RARB: variants seen among roughly 807,000 people sequenced by gnomAD.
The protein encoded by RARB is retinoic acid receptor beta, also known as HBV-activated protein.
Under a neutral mutation model 51.9 loss-of-function variants are expected in RARB, and 17 were observed. That is an observed-to-expected ratio of 0.33 (90% CI 0.22 to 0.49). RARB has a LOEUF of 0.49. Among genes scored for constraint, RARB ranks in the 20% least tolerant of loss-of-function variants. RARB has a pLI of 0.99. For synonymous variants in RARB, 215 were observed against 195.4 expected (o/e 1.10, Z -0.84); for missense variants, 369 against 550.8 (o/e 0.67, Z 3.30).
intron 2 of RARB, among the ~76,000 whole-genome samples, chr3:25,018,389 T>G (rs1206000264): frequency 1.3e-5 from 2 of 152,194 alleles, no homozygotes; most frequent in Non-Finnish European, 2.9e-5. Context: ...GACCTGGTTA[T>G]CATAGGCTGG....
chr3:25,014,630 G>T (rs1470804759), intron 2 of RARB, among the ~76,000 whole-genome samples: 1 of 152,084 alleles, frequency 6.6e-6, no homozygotes, highest in Admixed American at 6.6e-5. Flanking sequence ...CCATGTTCCT[G>T]ATTGACAGAC....
At chr3:25,021,571 T>C (rs562972286) in intron 2 of RARB, among the ~76,000 whole-genome samples, 1 of 152,270 alleles carries the variant, frequency 6.6e-6, no homozygotes, top group South Asian at 2.1e-4. Context: ...AATGGGCTTA[T>C]ATACCTAGTT....
chr3:25,415,340 GTCCAGGA>G (rs1707673654), intron 5 of RARB, among the ~76,000 whole-genome samples: 1 of 151,904 alleles, frequency 6.6e-6, no homozygotes, highest in African/African-American at 2.4e-5. Context: ...TTACATTTAG[GTCCAGGA>G]TCCATTTTGA....
At chr3:24,944,670 A>G (rs1474901043) in intron 2 of RARB, among the ~76,000 whole-genome samples, 1 of 152,122 alleles carries the variant, frequency 6.6e-6, no homozygotes, top group Non-Finnish European at 1.5e-5. Context: ...GGGTCTCTAT[A>G]TATTCTTGAG....
intron 2 of RARB, among the ~76,000 whole-genome samples, chr3:25,040,915 G>A (rs1698100374): frequency 6.6e-6 from 1 of 152,192 alleles, no homozygotes; most frequent in African/African-American, 2.4e-5. Flanking sequence ...ATGATTCAAA[G>A]TCAGCTCATT....
chr3:25,049,048 A>G (rs9828262), intron 2 of RARB, among the ~76,000 whole-genome samples: 152,273 of 152,280 alleles, frequency 1, 76,133 homozygotes, highest in Middle Eastern at 1. Flanking sequence ...CACCGCGCCC[A>G]GCTCCAAGAC....
chr3:24,972,276 C>T (rs371113540), intron 2 of RARB, among the ~76,000 whole-genome samples: 15 of 151,958 alleles, frequency 9.9e-5, no homozygotes, highest in African/African-American at 3.6e-4. Context: ...TTTCACTTCA[C>T]ATAACTCCCA....
At chr3:25,454,835 C>T (rs961470776) in intron 1 of RARB, among the ~76,000 whole-genome samples, 9 of 152,174 alleles carry the variant, frequency 5.9e-5, no homozygotes, top group Non-Finnish European at 1.3e-4. Context: ...TGTGTTGTAA[C>T]AACAAGGACA....
chr3:25,260,268 A>G (rs896521190), intron 5 of RARB, among the ~76,000 whole-genome samples: 1 of 152,170 alleles, frequency 6.6e-6, no homozygotes, highest in African/African-American at 2.4e-5. Flanking sequence ...AGAAAGCTGC[A>G]GTATTTTGTA....
At chr3:25,116,676 G>T (rs73047777) in intron 3 of RARB, among the ~76,000 whole-genome samples, 1 of 151,962 alleles carries the variant, frequency 6.6e-6, no homozygotes. Context: ...ATTGACTTTG[G>T]TAAGTAAATG....
chr3:25,395,453 C>T (rs923408988), intron 5 of RARB, among the ~76,000 whole-genome samples: 3 of 152,134 alleles, frequency 2.0e-5, no homozygotes, highest in African/African-American at 4.8e-5. Flanking sequence ...AGATCTCTAG[C>T]AAAGTAAGGG....
intron 2 of RARB, among the ~76,000 whole-genome samples, chr3:25,468,179 A>C (rs1257027669): frequency 6.6e-6 from 1 of 152,134 alleles, no homozygotes; most frequent in Non-Finnish European, 1.5e-5. Flanking sequence ...AATGAAAGCA[A>C]ATCCACAAGT....
chr3:24,858,461 C>A (rs377141061), intron 1 of RARB, among the ~76,000 whole-genome samples: 1 of 152,190 alleles, frequency 6.6e-6, no homozygotes, highest in Non-Finnish European at 1.5e-5. Context: ...TGATTCCCTC[C>A]TTGTGAACGG....
intron 2 of RARB, among the ~76,000 whole-genome samples, chr3:24,933,645 C>T (rs1028316552): frequency 6.6e-6 from 1 of 152,060 alleles, no homozygotes; most frequent in Non-Finnish European, 1.5e-5. Context: ...TATTACAGCA[C>T]TCAGAGAAAG....
intron 3 of RARB, among the ~76,000 whole-genome samples, chr3:25,541,287 C>T (rs1443119183): frequency 6.6e-6 from 1 of 152,182 alleles, no homozygotes; most frequent in African/African-American, 2.4e-5. Flanking sequence ...TGGCTCTCTC[C>T]ACCAATTCTT....
At chr3:25,596,126 A>C (rs1365463348) in intron 7 of RARB, among the ~76,000 whole-genome samples, 1 of 152,230 alleles carries the variant, frequency 6.6e-6, no homozygotes, top group African/African-American at 2.4e-5. Flanking sequence ...TCAACATACT[A>C]TGAGTCTGAG....
At chr3:24,926,124 G>C (rs1164158157) in intron 2 of RARB, among the ~76,000 whole-genome samples, 1 of 152,014 alleles carries the variant, frequency 6.6e-6, no homozygotes, top group Non-Finnish European at 1.5e-5. Context: ...TTCTTAATCT[G>C]CTATGATTTA....
intron 4 of RARB, among the ~76,000 whole-genome samples, chr3:25,138,661 A>G (rs900925435): frequency 6.6e-6 from 1 of 152,106 alleles, no homozygotes; most frequent in Admixed American, 6.6e-5. Flanking sequence ...TATCTATAGA[A>G]ATTGTCATCC....
intron 4 of RARB, among the ~76,000 whole-genome samples, chr3:25,163,507 ATATATATATATATAT>A (rs1700509152): frequency 1.4e-4 from 2 of 14,266 alleles, no homozygotes; most frequent in African/African-American, 2.1e-4. Flanking sequence ...ATCTCAAAAT[ATATATATATATATAT>A]ATATATATAT....
Sources: gnomAD v4.1 joint callset for allele counts (sites outside exome capture counted in the v4.1 genomes callset) on GRCh38, gnomAD v4.1.1 for gene constraint, MANE v1.5 for transcripts, NCBI Gene and HGNC (gene_info 2026-07-23, HGNC 2026-07-21) for gene names.